CACNB2: variants seen among roughly 807,000 people sequenced by gnomAD.
The protein encoded by CACNB2 is calcium voltage-gated channel auxiliary subunit beta 2.
Under a neutral mutation model 73.3 loss-of-function variants are expected in CACNB2, and 42 were observed. The observed-to-expected ratio is 0.57, with a 90% CI of 0.45 to 0.74. CACNB2 has a LOEUF of 0.74. Ranked by LOEUF, CACNB2 falls within the 30% of genes least tolerant of loss-of-function variation. The pLI, the probability that CACNB2 is intolerant of heterozygous loss-of-function variation, is 0.00. For synonymous variants in CACNB2, 348 were observed against 310.3 expected (o/e 1.12, Z -1.28); for missense variants, 940 against 853.0 (o/e 1.10, Z -1.27).
At chr10:18,502,348 G>A (rs2050239414) in intron 5 of CACNB2, among the ~76,000 whole-genome samples, 1 of 151,446 alleles carries the variant, frequency 6.6e-6, no homozygotes, top group African/African-American at 2.4e-5. Flanking sequence ...CAGCAACATG[G>A]ATGGAGCCGG....
Position 18,505,646 on chromosome 10 carries a change from C to A in CACNB2, c.594-825C>A, listed in dbSNP as rs552465240. 3.5e-4 allele frequency among the ~76,000 whole-genome samples: 54 copies of A among 152,210 alleles called. No homozygotes were observed. In the South Asian group the frequency reaches 5.0e-3, roughly 14 times the overall value. ...ACATTAGGCAGTGAGATCATTTTGC[C>A]CAAATGTAAAATGTTCTTCTTATCT... On this transcript the variant is annotated intron_variant, in intron 5 of 13. Coordinates refer to ENST00000324631, the MANE Select transcript of CACNB2 (RefSeq NM_201596.3).
intron 2 of CACNB2, among the ~76,000 whole-genome samples, chr10:18,386,398 G>GTTTTT: frequency 1.0e-5 from 1 of 97,834 alleles, no homozygotes; most frequent in African/African-American, 3.6e-5. Context: ...TTTTATTTAT[G>GTTTTT]ATTTTTTTTT....
At chr10:18,484,644 G>A (rs958265046) in intron 3 of CACNB2, among the ~76,000 whole-genome samples, 3 of 152,180 alleles carry the variant, frequency 2.0e-5, no homozygotes, top group African/African-American at 7.2e-5. Flanking sequence ...CTTTGGCCCA[G>A]TGTAGACACA....
intron 2 of CACNB2, among the ~76,000 whole-genome samples, chr10:18,309,732 C>T (rs952123189): frequency 5.3e-5 from 8 of 152,146 alleles, no homozygotes; most frequent in African/African-American, 1.7e-4. Flanking sequence ...GCTGGGATTA[C>T]AGGTGTGAGC....
At chr10:18,337,997 G>A (rs1268526101) in intron 2 of CACNB2, among the ~76,000 whole-genome samples, 1 of 152,074 alleles carries the variant, frequency 6.6e-6, no homozygotes, top group Non-Finnish European at 1.5e-5. Flanking sequence ...GCTGAATACT[G>A]GCCTTGGTAA....
chr10:18,250,273 C>T (rs1016678765), intron 2 of CACNB2, among the ~76,000 whole-genome samples: 21 of 152,210 alleles, frequency 1.4e-4, no homozygotes, highest in Admixed American at 2.0e-4. Flanking sequence ...CCTCCAGTGG[C>T]TTTCCTCCCA....
At chr10:18,349,854 G>A (rs1353088405) in intron 2 of CACNB2, among the ~76,000 whole-genome samples, 2 of 152,074 alleles carry the variant, frequency 1.3e-5, no homozygotes, top group Non-Finnish European at 2.9e-5. Context: ...TGCATATTTT[G>A]TCACAATGCT....
intron 2 of CACNB2, among the ~76,000 whole-genome samples, chr10:18,366,856 C>T (rs542017071): frequency 5.9e-4 from 89 of 152,074 alleles, no homozygotes; most frequent in Non-Finnish European, 9.9e-4. Context: ...GCATCATTTC[C>T]TGAAGTGCTT....
rs1348962291 is a variant in CACNB2 at position 18,495,573 on chromosome 10, GTGTGTGTGT to G, written c.334-2781_334-2773del. 1.3e-3 allele frequency among the ~76,000 whole-genome samples: 188 copies of G among 143,634 alleles called. 1 individual carries two copies. Among genetic ancestry groups the G allele is most frequent in the African/African-American group, 5.2e-3 (182 of 35,108 alleles). The allele number at this position is 143,634 out of a possible 152,430, so 94.2% of individuals were successfully genotyped here. Reference sequence around the variant, plus strand: ...TGTGTGTGTGTGTGTGTGTGTGTGTGTGTGTGTGTGTGTGTGTGTATAAGAGATGAGGTC... The same window carrying G: ...TGTGTGTGTGTGTGTGTGTGTGTGTGGTGTGTGTGTATAAGAGATGAGGTC... On this transcript the variant is annotated intron_variant, in intron 3 of 13. Coordinates refer to ENST00000324631, the MANE Select transcript of CACNB2 (RefSeq NM_201596.3).
chr10:18,143,016 A>C (rs796549324), intron 1 of CACNB2, among the ~76,000 whole-genome samples: 12 of 152,388 alleles, frequency 7.9e-5, no homozygotes, highest in African/African-American at 2.9e-4. Flanking sequence ...AAGCAGTCGT[A>C]CATGAAACAG....
At chr10:18,162,456 T>A (rs189582688) in intron 2 of CACNB2, among the ~76,000 whole-genome samples, 1 of 152,236 alleles carries the variant, frequency 6.6e-6, no homozygotes, top group Admixed American at 6.5e-5. Flanking sequence ...CACCAATGTG[T>A]GGATCGTACT....
At chr10:18,405,127 T>C (rs1479992299) in intron 3 of CACNB2, among the ~76,000 whole-genome samples, 1 of 152,214 alleles carries the variant, frequency 6.6e-6, no homozygotes, top group South Asian at 2.1e-4. Flanking sequence ...TATTGAGATA[T>C]AATTCACCCA....
chr10:18,404,595 A>G lies in CACNB2; in HGVS notation c.333+2552A>G, dbSNP rs547955491. On this transcript the variant is annotated intron_variant, in intron 3 of 13. Coordinates refer to ENST00000324631, the MANE Select transcript of CACNB2 (RefSeq NM_201596.3). ...AGCATCTCTCAAACAGAAAGACTCT[A>G]CAAGTCAGTGCTTTTACTCACCTTA... 9.2e-5 allele frequency among the ~76,000 whole-genome samples: 14 copies of G among 152,326 alleles called. No homozygotes were observed. The South Asian group carries it at 2.9e-3, about 32-fold the overall frequency.
intron 3 of CACNB2, among the ~76,000 whole-genome samples, chr10:18,431,772 CTT>C (rs60046163): frequency 7.9e-5 from 12 of 151,174 alleles, no homozygotes; most frequent in African/African-American, 2.9e-4. Context: ...ATTTCTTTTT[CTT>C]TTTTTTTTGA....
intron 6 of CACNB2, chr10:18,513,636 T>G (rs1277747985): frequency 3.4e-6 from 1 of 291,936 alleles, no homozygotes; most frequent in Non-Finnish European, 6.8e-6. Context: ...CAAATTCGCT[T>G]TTTGTCTGAC....
chr10:18,258,214 G>A (rs1473970041), intron 2 of CACNB2, among the ~76,000 whole-genome samples: 1 of 152,092 alleles, frequency 6.6e-6, no homozygotes, highest in Non-Finnish European at 1.5e-5. Context: ...TGACAAGGTG[G>A]GTGGAATATC....
At position 18,338,505 on chromosome 10, in the gene CACNB2, A is replaced by G. The variant is rs114534626; in HGVS notation, c.214-63419A>G. Among the ~76,000 whole-genome samples, 893 of 152,256 alleles carry G rather than the reference A, an allele frequency of 5.9e-3. 11 individuals carry two copies. Among genetic ancestry groups the G allele is most frequent in the African/African-American group, 0.021 (862 of 41,536 alleles). On this transcript the variant is annotated intron_variant, in intron 2 of 13. Transcript: ENST00000324631. Reference sequence around the variant, plus strand: ...TCCAAAACTTGATTTTTCTATCAACATTGTGTTTGTAGGGATTTACTCAAG... The same window carrying G: ...TCCAAAACTTGATTTTTCTATCAACGTTGTGTTTGTAGGGATTTACTCAAG...
At chr10:18,220,109 TAATATATATATA>T (rs1420274394) in intron 2 of CACNB2, among the ~76,000 whole-genome samples, 1 of 32,174 alleles carries the variant, frequency 3.1e-5, no homozygotes, top group South Asian at 1.1e-3. Flanking sequence ...TTTTATTTTT[TAATATATATATA>T]TATATATATA....
At chr10:18,510,636 A>G (rs917746841) in intron 6 of CACNB2, among the ~76,000 whole-genome samples, 11 of 152,178 alleles carry the variant, frequency 7.2e-5, no homozygotes, top group Non-Finnish European at 1.3e-4. Context: ...AATACAACTG[A>G]TGATCACAGC....
Sources: gnomAD v4.1 joint callset for allele counts (sites outside exome capture counted in the v4.1 genomes callset) on GRCh38, gnomAD v4.1.1 for gene constraint, MANE v1.5 for transcripts, NCBI Gene and HGNC (gene_info 2026-07-23, HGNC 2026-07-21) for gene names.